SEMA3D: variants seen among roughly 807,000 people sequenced by gnomAD.
SEMA3D encodes the protein semaphorin-3D.
A neutral mutation model predicts 100.1 loss-of-function variants in SEMA3D; 84 were observed. That is an observed-to-expected ratio of 0.84 (90% CI 0.70 to 1.01). SEMA3D has a LOEUF of 1.01. Ranked by LOEUF, SEMA3D falls within the 50% of genes least tolerant of loss-of-function variation. The pLI is 0.00. For missense variants in SEMA3D, 875 were observed against 934.1 expected (o/e 0.94, Z 0.82); for synonymous variants, 312 against 320.7 (o/e 0.97, Z 0.29).
chr7:85,049,250 C>G (rs1267209418), intron 9 of SEMA3D, among the ~76,000 whole-genome samples: 2 of 151,192 alleles, frequency 1.3e-5, no homozygotes, highest in African/African-American at 4.9e-5. Flanking sequence ...TAGAGGCTTT[C>G]AAGGCAATTT....
intron 8 of SEMA3D, among the ~76,000 whole-genome samples, chr7:85,058,957 A>C (rs1372057116): frequency 6.6e-6 from 1 of 152,164 alleles, no homozygotes; most frequent in African/African-American, 2.4e-5. Context: ...ACCAAGTATG[A>C]TCTGGATTAA....
rs1789488072 is a variant in SEMA3D at position 84,995,974 on chromosome 7, A to G, written c.*3466T>C. On this transcript the variant is annotated 3_prime_UTR_variant, in exon 19 of 19. Transcript: ENST00000284136. ...CATCTCCTATAAAAACACTTCAAAT[A>G]TCTTTTTTTTTTTTTGGTTTGTTTC... The G allele has an allele frequency of 6.6e-6, 1 of 151,096 alleles. No individual in the cohort carries two copies. The highest frequency in any genetic ancestry group is 2.1e-4 in the South Asian group (1 of 4,808). The allele number at this position is 151,096 out of a possible 1,614,324, so 9.4% of individuals were successfully genotyped here. A position where few individuals can be genotyped will look rare whatever the true frequency, so the allele number is the denominator to read the frequency against.
rs1791681230 is a variant in SEMA3D, at chr7:85,068,260, G to A, written c.520C>T (p.His174Tyr). 1.3e-6 allele frequency: 2 copies of A among 1,598,284 alleles called. No individual in the cohort carries two copies. Among genetic ancestry groups the A allele is most frequent in the African/African-American group, 1.3e-5 (1 of 74,574 alleles). The part of the protein sequence containing the change: ...KEDIIFKLDT[H>Y]NLESGRLKCP... ...TTCAGTCTGCCAGACTCCAAATTAT[G>A]TGTGTCTAGTTTGAATATAATATCC... Residue 174 changes from histidine (H) to tyrosine (Y), a missense_variant, in exon 7 of 19, where the codon CAT (histidine) becomes TAT (tyrosine). Coordinates refer to ENST00000284136, the MANE Select transcript of SEMA3D (RefSeq NM_001384900.1).
intron 12 of SEMA3D, chr7:85,028,201 A>G: frequency 3.0e-6 from 2 of 665,016 alleles, no homozygotes; most frequent in East Asian, 2.7e-5. Flanking sequence ...GGTTCTGACA[A>G]AGATGAAGGA....
the SEMA3D span, among the ~76,000 whole-genome samples, chr7:85,244,184 GAGA>G: frequency 0.12 from 18,014 of 152,208 alleles, 1,394 homozygotes; most frequent in Middle Eastern, 0.2. Flanking sequence ...CATAACAGCA[GAGA>G]AGAAGAAAGA....
chr7:85,142,653 A>G (rs1790087786), intron 2 of SEMA3D: 1 of 979,062 alleles, frequency 1.0e-6, no homozygotes. Context: ...GATTCTTTAG[A>G]AGAAAGCAAA....
chr7:85,154,340 G>T (rs893474236), intron 1 of SEMA3D, among the ~76,000 whole-genome samples: 1 of 151,948 alleles, frequency 6.6e-6, no homozygotes, highest in Non-Finnish European at 1.5e-5. Flanking sequence ...CCTTTCAATA[G>T]AAATCTTATT....
chr7:85,163,659 C>T (rs1790808555), intron 1 of SEMA3D, among the ~76,000 whole-genome samples: 1 of 152,000 alleles, frequency 6.6e-6, no homozygotes, highest in Admixed American at 6.6e-5. Flanking sequence ...AATGTAAATT[C>T]ATGGAAAATG....
the SEMA3D span, among the ~76,000 whole-genome samples, chr7:85,232,844 C>T: frequency 3.9e-5 from 6 of 152,166 alleles, no homozygotes; most frequent in Non-Finnish European, 5.9e-5. Context: ...ATCTGCTGTG[C>T]TATGTGTGCC....
intron 3 of SEMA3D, among the ~76,000 whole-genome samples, chr7:85,114,449 G>A (rs1039629535): frequency 1.3e-5 from 2 of 152,122 alleles, no homozygotes; most frequent in African/African-American, 4.8e-5. Flanking sequence ...GGTGTGCTGT[G>A]AGCAGCAAAG....
chr7:85,130,398 A>T (rs1442377510), intron 2 of SEMA3D, among the ~76,000 whole-genome samples: 1 of 152,200 alleles, frequency 6.6e-6, no homozygotes, highest in African/African-American at 2.4e-5. Flanking sequence ...CATGCATTCC[A>T]TCTTGTTTTA....
At chr7:85,007,383 C>CAGAT (rs1357721930) in intron 17 of SEMA3D, among the ~76,000 whole-genome samples, 1 of 151,692 alleles carries the variant, frequency 6.6e-6, no homozygotes, top group Non-Finnish European at 1.5e-5. Context: ...CAGAGCTGAT[C>CAGAT]AGATAACAGA....
At chr7:85,100,263 C>T (rs545239584) in intron 3 of SEMA3D, among the ~76,000 whole-genome samples, 16 of 151,326 alleles carry the variant, frequency 1.1e-4, no homozygotes, top group South Asian at 2.1e-4. Flanking sequence ...TACAAAACTA[C>T]GTAGCAGCAA....
At chr7:85,237,087 G>A in the SEMA3D span, among the ~76,000 whole-genome samples, 1 of 152,136 alleles carries the variant, frequency 6.6e-6, no homozygotes, top group Non-Finnish European at 1.5e-5. Flanking sequence ...CAGTATTCAT[G>A]CACTCATAAT....
At chr7:85,144,400 A>G (rs965405278) in intron 2 of SEMA3D, 2 of 909,270 alleles carry the variant, frequency 2.2e-6, no homozygotes, top group Non-Finnish European at 2.6e-6. Flanking sequence ...ATTTAAAGCT[A>G]GCTTTGAAAC....
At position 85,129,522 on chromosome 7, in the gene SEMA3D, CAT is replaced by C. The variant is rs145783160; in HGVS notation, c.-40-7593_-40-7592del. 3.7e-3 allele frequency among the ~76,000 whole-genome samples: 568 copies of C among 152,140 alleles called. 7 individuals are homozygous for C. Among genetic ancestry groups the C allele is most frequent in the African/African-American group, 0.013 (552 of 41,536 alleles). ...GGATTTCATCTTATCATCAAAACAA[CAT>C]ACAGAAGTTATAGTTGCCAACATGT... On this transcript the variant is annotated intron_variant, in intron 2 of 18. Transcript: ENST00000284136.
At chr7:85,021,773 A>C (rs1055946276) in intron 13 of SEMA3D, among the ~76,000 whole-genome samples, 41 of 151,830 alleles carry the variant, frequency 2.7e-4, no homozygotes, top group Non-Finnish European at 5.2e-4. Flanking sequence ...TGACATTATT[A>C]GCTAATACTT....
the SEMA3D span, among the ~76,000 whole-genome samples, chr7:85,233,795 G>T: frequency 1.2e-4 from 18 of 152,148 alleles, no homozygotes; most frequent in African/African-American, 4.3e-4. Flanking sequence ...AAAACAATAT[G>T]CCAAACTTCA....
chr7:85,225,109 T>TATAC, the SEMA3D span, among the ~76,000 whole-genome samples: 1 of 19,686 alleles, frequency 5.1e-5, no homozygotes, highest in Admixed American at 4.3e-4. Flanking sequence ...TATATATACA[T>TATAC]ACATATATAC....
Sources: gnomAD v4.1 joint callset for allele counts (sites outside exome capture counted in the v4.1 genomes callset) on GRCh38, gnomAD v4.1.1 for gene constraint, MANE v1.5 for transcripts, NCBI Gene and HGNC (gene_info 2026-07-23, HGNC 2026-07-21) for gene names.